FN1: variants seen among roughly 807,000 people sequenced by gnomAD.
FN1 encodes fibronectin 1, also known as fibronectin.
A neutral mutation model predicts 297.3 loss-of-function variants in FN1; 106 were observed. That is an observed-to-expected ratio of 0.36 (90% confidence interval 0.30 to 0.42). The LOEUF (loss-of-function observed/expected upper bound fraction) is 0.42, where lower values mean the gene tolerates loss of function less well. FN1 is among the 10% of genes least tolerant of loss of function. The pLI, the probability that FN1 is intolerant of heterozygous loss-of-function variation, is 1.00. For missense variants in FN1, 2,690 were observed against 3,124.9 expected (o/e 0.86, Z 3.32); for synonymous variants, 1,149 against 1,152.6 (o/e 1.00, Z 0.06).
At chr2:215,426,654 T>C (rs910260036) in intron 6 of FN1, among the ~76,000 whole-genome samples, 2 of 152,146 alleles carry the variant, frequency 1.3e-5, no homozygotes, top group African/African-American at 4.8e-5. Context: ...CCCTACACTC[T>C]ACCATGGAGA....
chr2:215,376,707 G>A lies in FN1; in HGVS notation c.5711-33C>T, dbSNP rs112092042. On this transcript the variant is annotated intron_variant, in intron 35 of 45. Coordinates refer to ENST00000354785, the MANE Select transcript of FN1 (RefSeq NM_212482.4). ...GGAGCATAGCTAGAGATTAGTGCCTGCTTGGCTCATCCATGTAAAGTTTTG... is the reference window on the plus strand; with the variant it reads ...GGAGCATAGCTAGAGATTAGTGCCTACTTGGCTCATCCATGTAAAGTTTTG... The A allele has an allele frequency of 3.4e-5, 55 of 1,602,038 alleles. 1 individual carries two copies. Among genetic ancestry groups the A allele is most frequent in the African/African-American group, 3.3e-4 (25 of 74,834 alleles).
intron 13 of FN1, among the ~76,000 whole-genome samples, chr2:215,414,344 T>C (rs10203450): frequency 4.4e-4 from 67 of 152,310 alleles, no homozygotes; most frequent in African/African-American, 1.3e-3. Flanking sequence ...TCTCTTTTCC[T>C]TCTATCTAAA....
rs770476949 is a variant in FN1, at chr2:215,380,843, T to A, written c.5402A>T (p.Glu1801Val). The change falls in exon 33 of 46, where the codon GAG becomes GTG. Residue 1801 changes from glutamate (E) to valine (V), a missense_variant. Physicochemically the swap from Glu to Val is moderately radical, Grantham distance 121 (BLOSUM62 -2). Around this residue, in one of 3 missense-constraint regions of FN1, gnomAD observed 1,743 missense variants for 1,945.2 expected, o/e 0.90. Coordinates refer to ENST00000354785, the MANE Select transcript of FN1 (RefSeq NM_212482.4). ...VSVVALHDDM[E>V]SQPLIGTQST... ...CTGGGTTCCAATCAGGGGCTGGCTC[T>A]CCATATCATCGTGCAAGGCAACCAC... 42 of 1,613,564 alleles carry A rather than the reference T, an allele frequency of 2.6e-5. No homozygotes were observed. Among genetic ancestry groups the A allele is most frequent in the Non-Finnish European group, 3.6e-5 (42 of 1,179,998 alleles).
intron 11 of FN1, among the ~76,000 whole-genome samples, 155 bp downstream of exon 11, chr2:215,420,518 C>G (rs1055063191): frequency 6.6e-6 from 1 of 152,034 alleles, no homozygotes; most frequent in Non-Finnish European, 1.5e-5. Context: ...TATTTTGGTC[C>G]AGTATTAGAG....
intron 27 of FN1, among the ~76,000 whole-genome samples, chr2:215,387,246 T>A (rs2059142042): frequency 6.6e-6 from 1 of 152,240 alleles, no homozygotes; most frequent in African/African-American, 2.4e-5. Context: ...TAAGTTTCTG[T>A]GTCACATTTG....
chr2:215,396,277 G>C (rs1559454849), intron 23 of FN1, among the ~76,000 whole-genome samples: 1 of 152,114 alleles, frequency 6.6e-6, no homozygotes, highest in African/African-American at 2.4e-5. Context: ...TTTTGTTTAA[G>C]ATTTTTCTCC....
At chr2:215,376,015 G>A (rs2057219567) in intron 36 of FN1, among the ~76,000 whole-genome samples, 1 of 152,102 alleles carries the variant, frequency 6.6e-6, no homozygotes, top group Non-Finnish European at 1.5e-5. Flanking sequence ...CACTTATTGA[G>A]GTTTTCTCTT....
At position 215,379,173 on chromosome 2, in the gene FN1, T is replaced by C. The variant is rs755581474; in HGVS notation, c.5579A>G (p.Asn1860Ser). 6.8e-6 allele frequency: 11 copies of C among 1,613,972 alleles called. No homozygotes were observed. The highest frequency in any genetic ancestry group is 1.7e-5 in the Admixed American group (1 of 59,982). ...CACGGATGAGCTGTCAGGAGCAAGGTTGATTTCTTTCATTGGTCCGGTCTT... is the reference window on the plus strand; with the variant it reads ...CACGGATGAGCTGTCAGGAGCAAGGCTGATTTCTTTCATTGGTCCGGTCTT... ...KEKTGPMKEI[N>S]LAPDSSSVVV... is the part of the protein sequence containing the mutation. Residue 1860 changes from asparagine (N) to serine (S), a missense_variant, in exon 34 of 46, where the codon AAC becomes AGC. Asn to Ser is a conservative substitution (Grantham distance 46). This residue lies in a region of FN1 where 1,743 missense variants were observed against 1,945.2 expected (regional missense o/e 0.90). Coordinates refer to ENST00000354785, the MANE Select transcript of FN1 (RefSeq NM_212482.4).
chr2:215,401,210 GAAAGAAAGAAA>G (rs1559474422), intron 20 of FN1, among the ~76,000 whole-genome samples: 7 of 32,676 alleles, frequency 2.1e-4, no homozygotes, highest in Admixed American at 3.7e-4. Flanking sequence ...AAGAAAGAAA[GAAAGAAAGAAA>G]GAAAGAAAGA....
chr2:215,432,081 T>A, intron 3 of FN1, 117 bp from the exon 4 acceptor site: 1 of 1,198,388 alleles, frequency 8.3e-7, no homozygotes, highest in Non-Finnish European at 1.2e-6. Flanking sequence ...AGACAACAGC[T>A]TTCCCATCAG....
chr2:215,416,084 C>G (rs1415994380), intron 12 of FN1, among the ~76,000 whole-genome samples: 1 of 152,072 alleles, frequency 6.6e-6, no homozygotes, highest in African/African-American at 2.4e-5. Context: ...GATTTTCAAA[C>G]TTTATTATCT....
At position 215,408,535 on chromosome 2, in the gene FN1, G is replaced by A. The variant is rs190832477; in HGVS notation, c.2300-109C>T. On this transcript the variant is annotated intron_variant, in intron 15 of 45. Coordinates refer to ENST00000354785, the MANE Select transcript of FN1 (RefSeq NM_212482.4). ...GAATTATATATTCATAGGGAAAAGCGACTAGAAGGTAATGTGCTAATAGCT... is the reference window on the plus strand; with the variant it reads ...GAATTATATATTCATAGGGAAAAGCAACTAGAAGGTAATGTGCTAATAGCT... The A allele has an allele frequency of 1.0e-4, 108 of 1,060,272 alleles. No homozygotes were observed. The Middle Eastern group carries it at 3.6e-3, about 36-fold the overall frequency. 65.7% of individuals were successfully genotyped at this position (1,060,272 alleles called of 1,614,324 possible). A position where few individuals can be genotyped will look rare whatever the true frequency, so the allele number is the denominator to read the frequency against.
Position 215,373,307 on chromosome 2 carries a change from G to GC in FN1, c.6247+14dup. Reference sequence around the variant, plus strand: ...TGTCCTATCTTTCTCCTTGTTACCTGCAAGATACTCTTACCTGTCTTTTTC... The same window carrying GC: ...TGTCCTATCTTTCTCCTTGTTACCTGCCAAGATACTCTTACCTGTCTTTTTC... On this transcript the variant is annotated intron_variant, in intron 39 of 45. Coordinates refer to ENST00000354785, the MANE Select transcript of FN1 (RefSeq NM_212482.4). 6.3e-7 allele frequency: 1 copy of GC among 1,598,454 alleles called. No individual in the cohort carries two copies. The highest frequency in any genetic ancestry group is 8.6e-7 in the Non-Finnish European group (1 of 1,166,176).
chr2:215,393,248 A>G, intron 24 of FN1, 45 bp from the exon 25 acceptor site: 1 of 1,598,816 alleles, frequency 6.3e-7, no homozygotes, highest in Non-Finnish European at 8.5e-7. Flanking sequence ...AAAGGAAAAT[A>G]GAGGGAAAAA....
chr2:215,365,101 A>G, intron 43 of FN1, 116 bp from the exon 44 acceptor site: 1 of 741,430 alleles, frequency 1.3e-6, no homozygotes. Flanking sequence ...CAAACACCAC[A>G]TATTTATGTG....
At chr2:215,385,669 A>T (rs1363856140) in intron 28 of FN1, among the ~76,000 whole-genome samples, 1 of 151,850 alleles carries the variant, frequency 6.6e-6, no homozygotes, top group Non-Finnish European at 1.5e-5. Context: ...AGATAACATG[A>T]TGCTACTGTT....
At chr2:215,372,475 A>T (rs1378737841) in intron 39 of FN1, 100 bp from the exon 40 acceptor site, 1 of 880,518 alleles carries the variant, frequency 1.1e-6, no homozygotes, top group East Asian at 2.5e-5. Context: ...ACTGTTCATC[A>T]ATTTGATAAA....
intron 25 of FN1, chr2:215,392,527 A>G: frequency 4.0e-6 from 1 of 253,158 alleles, no homozygotes; most frequent in East Asian, 1.1e-4. Flanking sequence ...AGTTTATCAA[A>G]GGGTAGAAGG....
rs374692005 is a variant in FN1, at chr2:215,385,027, A to G, written c.4613-51T>C. ...CATCCGTAATTTTCAAACAATATTC[A>G]GATTTACTGTTTGTTCATTTTCCAG... On this transcript the variant is annotated intron_variant, in intron 28 of 45. Coordinates refer to ENST00000354785, the MANE Select transcript of FN1 (RefSeq NM_212482.4). 812 of 1,218,338 alleles carry G rather than the reference A, an allele frequency of 6.7e-4. 2 individuals are homozygous for G. Among genetic ancestry groups the G allele is most frequent in the Admixed American group, 1.4e-3 (84 of 58,754 alleles). 75.5% of individuals were successfully genotyped at this position (1,218,338 alleles called of 1,614,324 possible). A position where few individuals can be genotyped will look rare whatever the true frequency, so the allele number is the denominator to read the frequency against.
Sources: gnomAD v4.1 joint callset for allele counts (sites outside exome capture counted in the v4.1 genomes callset) on GRCh38, gnomAD v4.1.1 for gene constraint, gnomAD v4.1.1 regional missense constraint, MANE v1.5 for transcripts, NCBI Gene and HGNC (gene_info 2026-07-23, HGNC 2026-07-21) for gene names.